Variants in SLC25A13 observed in about 807,000 individuals in gnomAD.
The protein encoded by SLC25A13 is electrogenic aspartate/glutamate antiporter SLC25A13, mitochondrial.
Under a neutral mutation model 85.5 loss-of-function variants are expected in SLC25A13, and 70 were observed. The ratio of observed to expected loss-of-function variants is 0.82; its 90% CI spans 0.68 to 1.00. SLC25A13 has a LOEUF of 1.00. Ranked by LOEUF, SLC25A13 falls within the 50% of genes least tolerant of loss-of-function variation. The pLI is 0.00. For synonymous variants in SLC25A13, 259 were observed against 288.7 expected (o/e 0.90, Z 1.04); for missense variants, 765 against 819.8 (o/e 0.93, Z 0.82).
chr7:96,230,348 TA>T (rs1359609327), intron 4 of SLC25A13, among the ~76,000 whole-genome samples: 4 of 152,250 alleles, frequency 2.6e-5, no homozygotes, highest in African/African-American at 9.6e-5. Flanking sequence ...ATGAGACCTC[TA>T]AACTGCTGGT....
At chr7:96,197,635 T>C (rs1027467196) in intron 5 of SLC25A13, among the ~76,000 whole-genome samples, 1 of 152,214 alleles carries the variant, frequency 6.6e-6, no homozygotes, top group African/African-American at 2.4e-5. Context: ...AATCTGAATG[T>C]ATACTATGGG....
chr7:96,256,467 AAAG>A (rs1373374613), intron 3 of SLC25A13, among the ~76,000 whole-genome samples: 3 of 152,154 alleles, frequency 2.0e-5, no homozygotes, highest in African/African-American at 7.2e-5. Context: ...CCAAAAAGAC[AAAG>A]AAGGGCATTA....
At chr7:96,182,913 C>T (rs1009604269) in intron 11 of SLC25A13, among the ~76,000 whole-genome samples, 4 of 152,180 alleles carry the variant, frequency 2.6e-5, no homozygotes, top group Non-Finnish European at 5.9e-5. Flanking sequence ...ACTTGAGACT[C>T]GAGATTTCCC....
At chr7:96,221,639 A>G (rs762679865) in intron 4 of SLC25A13, among the ~76,000 whole-genome samples, 5 of 152,190 alleles carry the variant, frequency 3.3e-5, no homozygotes, top group Admixed American at 2.0e-4. Flanking sequence ...TTCCAATCCA[A>G]TACCAGCATT....
At chr7:96,313,586 C>T (rs1317568028) in intron 1 of SLC25A13, among the ~76,000 whole-genome samples, 2 of 151,908 alleles carry the variant, frequency 1.3e-5, no homozygotes, top group Non-Finnish European at 2.9e-5. Flanking sequence ...ATAAAGATGG[C>T]AACAATAGAC....
intron 4 of SLC25A13, among the ~76,000 whole-genome samples, chr7:96,211,128 A>C (rs1795676933): frequency 6.6e-6 from 1 of 152,220 alleles, no homozygotes; most frequent in African/African-American, 2.4e-5. Flanking sequence ...AAAATTAGTG[A>C]ATGCATGTAA....
At chr7:96,286,820 A>G (rs2116968035) in intron 2 of SLC25A13, among the ~76,000 whole-genome samples, 1 of 152,314 alleles carries the variant, frequency 6.6e-6, no homozygotes, top group East Asian at 1.9e-4. Context: ...TTAATCCCCT[A>G]GGAGCCCTCT....
intron 1 of SLC25A13, among the ~76,000 whole-genome samples, chr7:96,320,972 C>A (rs1285519358): frequency 6.6e-6 from 1 of 152,100 alleles, no homozygotes; most frequent in Non-Finnish European, 1.5e-5. Context: ...AAGTTCACTG[C>A]ACTTAAAATG....
intron 1 of SLC25A13, chr7:96,306,697 C>T (rs922799255): frequency 2.2e-5 from 18 of 828,686 alleles, no homozygotes; most frequent in Middle Eastern, 2.4e-4. Flanking sequence ...AGCAGCCAAA[C>T]GGTGAGCTTA....
At chr7:96,205,153 C>T (rs759173882) in intron 5 of SLC25A13, among the ~76,000 whole-genome samples, 1 of 152,154 alleles carries the variant, frequency 6.6e-6, no homozygotes, top group Non-Finnish European at 1.5e-5. Flanking sequence ...CATGATCCAC[C>T]CGCCTCGGCC....
intron 5 of SLC25A13, among the ~76,000 whole-genome samples, chr7:96,200,446 C>T (rs1327331158): frequency 6.6e-6 from 1 of 152,042 alleles, no homozygotes; most frequent in Non-Finnish European, 1.5e-5. Flanking sequence ...AAATGAAGAT[C>T]CACATATTTT....
At chr7:96,294,619 A>AG (rs1395079321) in intron 2 of SLC25A13, among the ~76,000 whole-genome samples, 1 of 151,196 alleles carries the variant, frequency 6.6e-6, no homozygotes, top group Non-Finnish European at 1.5e-5. Context: ...AGAAAAAAAA[A>AG]AAAAGAAAAA....
At chr7:96,129,294 T>A (rs1791902942) in intron 15 of SLC25A13, among the ~76,000 whole-genome samples, 1 of 152,218 alleles carries the variant, frequency 6.6e-6, no homozygotes, top group Admixed American at 6.5e-5. Context: ...CATGCAGTAA[T>A]AGATAACAAA....
At chr7:96,246,012 T>C (rs895795469) in intron 3 of SLC25A13, among the ~76,000 whole-genome samples, 1 of 152,226 alleles carries the variant, frequency 6.6e-6, no homozygotes, top group Admixed American at 6.5e-5. Context: ...CCAGCAGGCA[T>C]ATGAATTTGT....
intron 14 of SLC25A13, among the ~76,000 whole-genome samples, chr7:96,140,626 A>T (rs1163987190): frequency 6.6e-6 from 1 of 151,212 alleles, no homozygotes; most frequent in East Asian, 2.0e-4. Context: ...GATGGTCTTG[A>T]TCTCCTGACC....
chr7:96,304,110 A>T (rs1483545940), intron 1 of SLC25A13, among the ~76,000 whole-genome samples: 1 of 152,166 alleles, frequency 6.6e-6, no homozygotes, highest in East Asian at 1.9e-4. Context: ...GAAACCACTG[A>T]GTCACTCATC....
chr7:96,158,648 C>A (rs187253100), intron 13 of SLC25A13, among the ~76,000 whole-genome samples: 1 of 152,158 alleles, frequency 6.6e-6, no homozygotes, highest in Non-Finnish European at 1.5e-5. Context: ...CGTGCTTACA[C>A]GTGTCAAAAA....
intron 5 of SLC25A13, among the ~76,000 whole-genome samples, chr7:96,207,514 T>G (rs1485532864): frequency 6.6e-6 from 1 of 152,158 alleles, no homozygotes; most frequent in Non-Finnish European, 1.5e-5. Context: ...ATTGAAAATT[T>G]TCCTCAAGAC....
chr7:96,275,827 G>A (rs1798427829), intron 3 of SLC25A13, among the ~76,000 whole-genome samples: 2 of 152,086 alleles, frequency 1.3e-5, no homozygotes, highest in Admixed American at 1.3e-4. Context: ...CATGGCACAT[G>A]TATACATACG....
Sources: gnomAD v4.1 joint callset for allele counts (sites outside exome capture counted in the v4.1 genomes callset) on GRCh38, gnomAD v4.1.1 for gene constraint, MANE v1.5 for transcripts, NCBI Gene and HGNC (gene_info 2026-07-23, HGNC 2026-07-21) for gene names.